The following PON1 variants were observed in gnomAD, a reference collection of about 807,000 sequenced individuals.
PON1 encodes the protein paraoxonase 1, also known as serum paraoxonase/arylesterase 1.
In PON1, 37 loss-of-function variants were observed where a neutral mutation model predicts 39.2. The ratio of observed to expected loss-of-function variants is 0.94; its 90% CI spans 0.73 to 1.24. The LOEUF is 1.24. PON1 is among the 50% of genes most tolerant of loss of function. PON1 has a pLI of 0.00. For missense variants in PON1, 397 were observed against 413.5 expected, an observed-to-expected ratio of 0.96 and a Z score of 0.35; for synonymous variants, 148 against 152.2, an observed-to-expected ratio of 0.97 and a Z score of 0.21.
rs190325000 is a variant in PON1 at position 95,310,013 on chromosome 7, G to A, written c.497+1438C>T. Among the ~76,000 whole-genome samples the A allele has an allele frequency of 4.0e-3, 613 of 152,108 alleles. 4 individuals are homozygous for A. Among genetic ancestry groups the A allele is most frequent in the Non-Finnish European group, 5.8e-3 (395 of 68,004 alleles). On this transcript the variant is annotated intron_variant, in intron 5 of 8. Transcript: ENST00000222381. Reference sequence around the variant, plus strand: ...GCTCAAGAAAAAAATACTCCAATCCGGTAACGTAGACCAATCTGAGATTTC... The same window carrying A: ...GCTCAAGAAAAAAATACTCCAATCCAGTAACGTAGACCAATCTGAGATTTC...
At chr7:95,315,009 T>C (rs1387943406) in intron 4 of PON1, among the ~76,000 whole-genome samples, 2 of 152,088 alleles carry the variant, frequency 1.3e-5, no homozygotes, top group Admixed American at 1.3e-4. Flanking sequence ...GTCTTGAAAA[T>C]CGTTTAAAAT....
chr7:95,321,597 T>C (rs576045691), intron 1 of PON1, among the ~76,000 whole-genome samples: 1 of 152,304 alleles, frequency 6.6e-6, no homozygotes, highest in South Asian at 2.1e-4. Context: ...GGTAAGGAAA[T>C]GGAGGCACTG....
intron 7 of PON1, among the ~76,000 whole-genome samples, chr7:95,306,073 C>T (rs773017294): frequency 1.5e-4 from 23 of 152,188 alleles, no homozygotes; most frequent in Admixed American, 3.3e-4. Flanking sequence ...GCAAGGTTCA[C>T]GGGTAAGAGG....
intron 8 of PON1, 43 bp from the exon 9 acceptor site, chr7:95,299,145 C>T (rs1807360699): frequency 4.4e-6 from 7 of 1,574,148 alleles, no homozygotes; most frequent in Non-Finnish European, 5.2e-6. Context: ...TGTTAAGTCA[C>T]TTAAAACAAC....
chr7:95,299,541 C>A (rs552797637), intron 8 of PON1, among the ~76,000 whole-genome samples: 1 of 152,066 alleles, frequency 6.6e-6, no homozygotes, highest in Non-Finnish European at 1.5e-5. Flanking sequence ...CAGTGGGCTG[C>A]AAAAGGCAGA....
intron 1 of PON1, 76 bp downstream of exon 1, chr7:95,324,325 CA>C (rs2116333492): frequency 7.0e-7 from 1 of 1,419,956 alleles, no homozygotes; most frequent in Middle Eastern, 1.8e-4. Flanking sequence ...AGCCTGGACC[CA>C]ACTTTCTGGG....
chr7:95,299,114 A>G lies in PON1; in HGVS notation c.910-12T>C. 6.2e-7 allele frequency: 1 copy of G among 1,613,214 alleles called. No individual in the cohort carries two copies. The highest frequency in any genetic ancestry group is 1.1e-5 in the South Asian group (1 of 91,056). ...TGGATTCGAAGCACCTGTGGAAGAA[A>G]TAACATTGGGTTAATATTTTTGTTA... On this transcript the variant is annotated splice_polypyrimidine_tract_variant and intron_variant, in intron 8 of 8. Coordinates refer to ENST00000222381, the MANE Select transcript of PON1 (RefSeq NM_000446.7).
intron 1 of PON1, 65 bp downstream of exon 1, chr7:95,324,337 G>T (rs1367588929): frequency 6.7e-7 from 1 of 1,499,744 alleles, no homozygotes; most frequent in Non-Finnish European, 9.3e-7. Context: ...ACTTTCTGGG[G>T]GCTCGTGGAG....
At chr7:95,321,981 T>C (rs774206227) in intron 1 of PON1, among the ~76,000 whole-genome samples, 6 of 152,164 alleles carry the variant, frequency 3.9e-5, no homozygotes, top group Non-Finnish European at 5.9e-5. Flanking sequence ...CTGCAACCTA[T>C]TCATTCCTAT....
intron 8 of PON1, among the ~76,000 whole-genome samples, chr7:95,299,871 A>G (rs1242440831): frequency 6.6e-6 from 1 of 152,134 alleles, no homozygotes; most frequent in African/African-American, 2.4e-5. Context: ...ACACTCAGCA[A>G]TAGCCAAACT....
At chr7:95,317,496 G>C (rs756526840) in intron 2 of PON1, among the ~76,000 whole-genome samples, 52 of 144,082 alleles carry the variant, frequency 3.6e-4, no homozygotes, top group Non-Finnish European at 6.7e-4. Flanking sequence ...AAGATATCTA[G>C]TGAAATTTAG....
rs13306695 is a variant in PON1, at chr7:95,298,534, T to C, written c.*410A>G. 1.7e-4 allele frequency: 55 copies of C among 325,432 alleles called. No homozygotes were observed. The East Asian group carries it at 3.1e-3, about 19-fold the overall frequency. The allele number at this position is 325,432 out of a possible 1,614,324, so 20.2% of individuals were successfully genotyped here. ...AGTCCCTGGGTGAGTACTGGAGTTC[T>C]AAAGACACGTGAGCTAACCCTGCTC... is the stretch of plus-strand genomic sequence containing the variant. On this transcript the variant is annotated 3_prime_UTR_variant, in exon 9 of 9. Transcript: ENST00000222381.
chr7:95,310,238 A>C (rs2116312285), intron 5 of PON1, among the ~76,000 whole-genome samples: 1 of 152,340 alleles, frequency 6.6e-6, no homozygotes, highest in East Asian at 1.9e-4. Flanking sequence ...CTAATTCAGA[A>C]GGTATTTGTA....
At chr7:95,303,961 G>A (rs531072049) in intron 7 of PON1, among the ~76,000 whole-genome samples, 1 of 152,094 alleles carries the variant, frequency 6.6e-6, no homozygotes, top group African/African-American at 2.4e-5. Context: ...AGAGAGGAGA[G>A]AATTATTTCT....
chr7:95,315,643 T>C (rs760328335), intron 3 of PON1, among the ~76,000 whole-genome samples, 153 bp from the exon 4 acceptor site: 8 of 152,152 alleles, frequency 5.3e-5, no homozygotes, highest in Admixed American at 1.3e-4. Flanking sequence ...GCTTCTGTAA[T>C]GGGTCCCCAG....
intron 5 of PON1, among the ~76,000 whole-genome samples, chr7:95,309,049 C>T (rs3917537): frequency 0.041 from 6,241 of 152,192 alleles, 337 homozygotes; most frequent in African/African-American, 0.13. Context: ...ATTGCAGAGG[C>T]GTCATGGCCA....
At chr7:95,300,405 A>G (rs1332179980) in intron 8 of PON1, among the ~76,000 whole-genome samples, 4 of 152,228 alleles carry the variant, frequency 2.6e-5, no homozygotes, top group Non-Finnish European at 5.9e-5. Context: ...AAGGATATCT[A>G]CATCACAAAT....
Position 95,306,287 on chromosome 7 carries a change from T to C in PON1, c.778A>G (p.Lys260Glu). ...CTTACAGTGTTAATACGTCTTACCT[T>C]CAATGGAGTTAAAGTCCAATTAGCA... ...KHANWTLTPLKSLDFNTLVDN... is the reference protein window; with the variant it reads ...KHANWTLTPLESLDFNTLVDN... The change falls in exon 7 of 9, where the codon AAG (lysine) becomes GAG (glutamate). Residue 260 changes from lysine to glutamate, a missense_variant and splice_region_variant. By Grantham distance (56) the Lys-to-Glu change is moderately conservative. Transcript: ENST00000222381. The C allele has an allele frequency of 6.2e-7, 1 of 1,602,146 alleles. No individual in the cohort carries two copies. The highest frequency in any genetic ancestry group is 1.1e-5 in the South Asian group (1 of 90,868).
intron 4 of PON1, 28 bp downstream of exon 4, chr7:95,315,294 G>A (rs1376964991): frequency 6.3e-7 from 1 of 1,589,464 alleles, no homozygotes; most frequent in East Asian, 2.2e-5. Context: ...GTTTGGTTTT[G>A]GTTTTAATAA....
Sources: allele counts gnomAD v4.1 joint callset (sites outside exome capture counted in the v4.1 genomes callset), GRCh38; gene constraint gnomAD v4.1.1; transcripts MANE v1.5; gene names NCBI Gene and HGNC (gene_info 2026-07-23, HGNC 2026-07-21).